The following CLIP2 variants were observed in gnomAD, a reference collection of about 807,000 sequenced individuals.
CLIP2 encodes CAP-Gly domain-containing linker protein 2.
In CLIP2, 41 loss-of-function variants were observed where a neutral mutation model predicts 111.7. That is an observed-to-expected ratio of 0.37 (90% CI 0.29 to 0.48). The LOEUF is 0.48. Ranked by LOEUF, CLIP2 falls within the 20% of genes least tolerant of loss-of-function variation. The pLI is 0.99. For synonymous variants in CLIP2, 660 were observed against 644.2 expected, an observed-to-expected ratio of 1.02 and a Z score of -0.37; for missense variants, 1,160 against 1,422.1, an observed-to-expected ratio of 0.82 and a Z score of 2.96.
At chr7:74,302,060 T>C (rs1470850828) in intron 1 of CLIP2, among the ~76,000 whole-genome samples, 1 of 152,112 alleles carries the variant, frequency 6.6e-6, no homozygotes, top group Non-Finnish European at 1.5e-5. Context: ...ATTTTCAGCG[T>C]TGGACCTTTT....
chr7:74,320,512 A>T (rs1192887076), intron 2 of CLIP2, among the ~76,000 whole-genome samples: 1 of 152,090 alleles, frequency 6.6e-6, no homozygotes. Context: ...ACCCAGCGAG[A>T]CCCTGACTCA....
intron 3 of CLIP2, among the ~76,000 whole-genome samples, chr7:74,339,934 T>A (rs1299141422): frequency 2.0e-5 from 3 of 150,722 alleles, no homozygotes; most frequent in Non-Finnish European, 4.4e-5. Context: ...CAAAAAAAAA[T>A]ACAAACAAAA....
At chr7:74,331,321 A>C (rs1307904076) in intron 2 of CLIP2, among the ~76,000 whole-genome samples, 1 of 150,406 alleles carries the variant, frequency 6.6e-6, no homozygotes, top group South Asian at 2.1e-4. Context: ...TGGGGGAAGG[A>C]TGAGCCAGTA....
rs200774930 is a variant in CLIP2 at position 74,321,767 on chromosome 7, CTTTAT to C, written c.121+4109_121+4113del. Among the ~76,000 whole-genome samples the C allele has an allele frequency of 1.9e-3, 292 of 151,762 alleles. 1 individual carries two copies. The highest frequency in any genetic ancestry group is 3.8e-3 in the African/African-American group (158 of 41,426). On this transcript the variant is annotated intron_variant, in intron 2 of 16. Coordinates refer to ENST00000223398, the MANE Select transcript of CLIP2 (RefSeq NM_003388.5). ...ATAGGTGTGAGCCACCGCGCCTGGC[CTTTAT>C]TTTATTTTTATTTTTTAATAAAAAA...
At chr7:74,303,027 G>C (rs1158176515) in intron 1 of CLIP2, among the ~76,000 whole-genome samples, 1 of 152,230 alleles carries the variant, frequency 6.6e-6, no homozygotes, top group African/African-American at 2.4e-5. Context: ...GACTGACCAA[G>C]TATGGGTGGA....
chr7:74,309,842 G>A (rs1228925681), intron 1 of CLIP2, among the ~76,000 whole-genome samples: 3 of 143,476 alleles, frequency 2.1e-5, no homozygotes, highest in Non-Finnish European at 4.6e-5. Context: ...AAAAAAAAAA[G>A]CATTCATCTA....
In CLIP2 at chr7:74,356,459, G is replaced by A; in HGVS notation, c.853G>A (p.Val285Met). Reference sequence around the variant, plus strand: ...TGGTCTCTTCGCGCCCATCCACAAAGTGATCCGTATCGGCTTCCCATCTAC... The same window carrying A: ...TGGTCTCTTCGCGCCCATCCACAAAATGATCCGTATCGGCTTCCCATCTAC... ...KFGLFAPIHK[V>M]IRIGFPSTSP... The change falls in exon 5 of 17, where the codon GTG (valine) becomes ATG (methionine). Residue 285 changes from valine (V) to methionine (M), a missense_variant. Physicochemically the swap from Val to Met is conservative, Grantham distance 21. Around this residue, in one of 5 missense-constraint regions of CLIP2, gnomAD observed 110 missense variants for 185.2 expected, o/e 0.59. Transcript: ENST00000223398. The A allele has an allele frequency of 1.2e-6, 2 of 1,614,214 alleles. No individual in the cohort carries two copies. Among genetic ancestry groups the A allele is most frequent in the Non-Finnish European group, 1.7e-6 (2 of 1,180,046 alleles).
chr7:74,305,484 T>C (rs1421422029), intron 1 of CLIP2, among the ~76,000 whole-genome samples: 2 of 151,446 alleles, frequency 1.3e-5, no homozygotes, highest in Non-Finnish European at 2.9e-5. Flanking sequence ...AGATCAGGCC[T>C]CATTTTGTTT....
Position 74,317,514 on chromosome 7 carries a change from C to T in CLIP2, c.-33C>T. 2.9e-6 allele frequency: 4 copies of T among 1,382,538 alleles called. No individual in the cohort carries two copies. In the African/African-American group the frequency reaches 4.5e-5, roughly 15 times the overall value. The allele number at this position is 1,382,538 out of a possible 1,614,324, so 85.6% of individuals were successfully genotyped here. Reference sequence around the variant, plus strand: ...GATGGCAGAGAGGACGTGACCAGCACTCACCCTTGTCCACCTGCCCAGTGG... The same window carrying T: ...GATGGCAGAGAGGACGTGACCAGCATTCACCCTTGTCCACCTGCCCAGTGG... On this transcript the variant is annotated 5_prime_UTR_variant, in exon 2 of 17. Transcript: ENST00000223398.
At chr7:74,299,005 C>T (rs1475887593) in intron 1 of CLIP2, among the ~76,000 whole-genome samples, 1 of 152,072 alleles carries the variant, frequency 6.6e-6, no homozygotes, top group Non-Finnish European at 1.5e-5. Flanking sequence ...GACTAACATG[C>T]AGTTCCCTTT....
chr7:74,291,297 C>T (rs1788010419), intron 1 of CLIP2, among the ~76,000 whole-genome samples: 2 of 152,270 alleles, frequency 1.3e-5, no homozygotes, highest in Non-Finnish European at 2.9e-5. Flanking sequence ...CCCTCAGCAC[C>T]GTGCAGGCTG....
intron 1 of CLIP2, among the ~76,000 whole-genome samples, chr7:74,299,064 G>A (rs1007082469): frequency 6.6e-6 from 1 of 151,878 alleles, no homozygotes; most frequent in Non-Finnish European, 1.5e-5. Context: ...AGGTATGGTG[G>A]CTCACACCTG....
In CLIP2 at chr7:74,390,162, G is replaced by GAAGAAAGAAAGA. The variant is rs200256078; in HGVS notation, c.2720+955_2720+966dup. On this transcript the variant is annotated intron_variant, in intron 13 of 16. Coordinates refer to ENST00000223398, the MANE Select transcript of CLIP2 (RefSeq NM_003388.5). ...AAAGAAAGAAAGAAAAAGAAAGAAA[G>GAAGAAAGAAAGA]AAGAAAGAAAGAAAGAAAGAAAGAA... Among the ~76,000 whole-genome samples the GAAGAAAGAAAGA allele has an allele frequency of 8.7e-3, 742 of 84,926 alleles. 7 individuals carry two copies. The highest frequency in any genetic ancestry group is 0.015 in the African/African-American group (344 of 23,280). The allele number at this position is 84,926 out of a possible 152,430, so 55.7% of individuals were successfully genotyped here. A position where few individuals can be genotyped will look rare whatever the true frequency, so the allele number is the denominator to read the frequency against.
rs1554732809 is a variant in CLIP2, at chr7:74,338,921, G to A, written c.595G>A (p.Gly199Ser). The A allele has an allele frequency of 2.5e-6, 4 of 1,601,396 alleles. No individual in the cohort carries two copies. The highest frequency in any genetic ancestry group is 2.2e-5 in the East Asian group (1 of 44,862). ...CGTCCTCAACAGCTCCGTGAAGACT[G>A]GCAACGAGTCGGGATCCAACCTCTC... ...ESVLNSSVKT[G>S]NESGSNLSDS... The change falls in exon 3 of 17, where the codon GGC becomes AGC. Residue 199 changes from glycine to serine, a missense_variant. Physicochemically the swap from Gly to Ser is moderately conservative, Grantham distance 56 (BLOSUM62 0). This residue lies in a region of CLIP2 where 301 missense variants were observed against 315.2 expected (regional missense o/e 0.96). Coordinates refer to ENST00000223398, the MANE Select transcript of CLIP2 (RefSeq NM_003388.5). This position sits in a 1 kb window ranked among gnomAD's most constrained non-coding sequence, Gnocchi z 4.3.
chr7:74,387,546 C>T (rs1027355801), intron 12 of CLIP2, among the ~76,000 whole-genome samples: 1 of 152,194 alleles, frequency 6.6e-6, no homozygotes, highest in Non-Finnish European at 1.5e-5. Context: ...CCACCACGCC[C>T]GGCCCCTGGC....
intron 11 of CLIP2, 80 bp downstream of exon 11, chr7:74,380,943 T>G (rs1346582196): frequency 5.7e-6 from 8 of 1,401,598 alleles, no homozygotes; most frequent in African/African-American, 1.4e-5. Context: ...GGGTCACATT[T>G]TGGTTTGCAT....
intron 12 of CLIP2, among the ~76,000 whole-genome samples, chr7:74,388,224 C>T (rs1791174209): frequency 6.6e-6 from 1 of 151,866 alleles, no homozygotes; most frequent in Non-Finnish European, 1.5e-5. Context: ...CCCAGCTACT[C>T]AGGAGGTTGA....
At chr7:74,317,710 A>C (rs1554729332) in intron 2 of CLIP2, 43 bp downstream of exon 2, 1 of 1,380,780 alleles carries the variant, frequency 7.2e-7, no homozygotes, top group Non-Finnish European at 9.4e-7. Context: ...GACTGGCTAC[A>C]TGGGATGAGT....
chr7:74,348,789 CA>C (rs377752236), intron 3 of CLIP2, among the ~76,000 whole-genome samples: 69 of 108,388 alleles, frequency 6.4e-4, no homozygotes, highest in Admixed American at 9.2e-4. Flanking sequence ...GACTCTGTCT[CA>C]AAAAAAAAAA....
Sources: allele counts gnomAD v4.1 joint callset (sites outside exome capture counted in the v4.1 genomes callset), GRCh38; gene constraint gnomAD v4.1.1; regional missense constraint gnomAD v4.1.1; non-coding constraint Gnocchi (gnomAD v3.1); transcripts MANE v1.5; gene names NCBI Gene and HGNC (gene_info 2026-07-23, HGNC 2026-07-21).